Variants in EFL1 observed in about 807,000 individuals in gnomAD.
The protein encoded by EFL1 is elongation factor like GTPase 1.
Under a neutral mutation model 126.7 loss-of-function variants are expected in EFL1, and 76 were observed. That is an observed-to-expected ratio of 0.60 (90% CI 0.50 to 0.73). The LOEUF is 0.73. Among genes scored for constraint, EFL1 ranks in the 30% least tolerant of loss-of-function variants. EFL1 has a pLI of 0.00. For synonymous variants in EFL1, 410 were observed against 448.4 expected (o/e 0.91, Z 1.08); for missense variants, 1,128 against 1,343.2 (o/e 0.84, Z 2.50).
chr15:82,194,581 A>G (rs2074390669), intron 15 of EFL1, among the ~76,000 whole-genome samples: 1 of 152,230 alleles, frequency 6.6e-6, no homozygotes. Context: ...AAAGCATAAA[A>G]TAATCAAGGA....
intron 1 of EFL1, 72 bp downstream of exon 1, chr15:82,262,542 G>A (rs1390401388): frequency 2.7e-5 from 6 of 225,784 alleles, no homozygotes; most frequent in African/African-American, 1.4e-4. Context: ...GAGCCGCAGC[G>A]AGCGGGTTCC....
chr15:82,211,748 A>G lies in EFL1; in HGVS notation c.1750+2969T>C, dbSNP rs573667620. 6.6e-5 allele frequency among the ~76,000 whole-genome samples: 10 copies of G among 152,246 alleles called. No homozygotes were observed. The East Asian group carries it at 1.9e-3, about 29-fold the overall frequency. On this transcript the variant is annotated intron_variant, in intron 15 of 19. Coordinates refer to ENST00000268206, the MANE Select transcript of EFL1 (RefSeq NM_024580.6). ...TACGCTACACATTTTTAATCAAGGAACAAGTAAAATTTGCCTAAAAAAGTA... is the reference window on the plus strand; with the variant it reads ...TACGCTACACATTTTTAATCAAGGAGCAAGTAAAATTTGCCTAAAAAAGTA...
At chr15:82,243,731 A>ACG (rs1567077164) in intron 4 of EFL1, among the ~76,000 whole-genome samples, 17 of 141,940 alleles carry the variant, frequency 1.2e-4, no homozygotes, top group African/African-American at 4.3e-4. Context: ...GGGAATAGTC[A>ACG]GAAAAACGAA....
At chr15:82,208,649 C>T (rs780821648) in intron 15 of EFL1, among the ~76,000 whole-genome samples, 16 of 151,640 alleles carry the variant, frequency 1.1e-4, no homozygotes, top group Admixed American at 2.6e-4. Context: ...TTTTTTTTAA[C>T]GCAGGAATTC....
intron 18 of EFL1, among the ~76,000 whole-genome samples, chr15:82,142,705 T>C (rs576366238): frequency 6.6e-6 from 1 of 152,332 alleles, no homozygotes; most frequent in Non-Finnish European, 1.5e-5. Flanking sequence ...TCAGCTTCTC[T>C]AACTGCCAGA....
intron 15 of EFL1, among the ~76,000 whole-genome samples, chr15:82,189,659 C>T (rs1360333780): frequency 2.0e-5 from 3 of 152,084 alleles, no homozygotes; most frequent in African/African-American, 7.2e-5. Flanking sequence ...CCAACTATGC[C>T]TGTTAGTAAG....
intron 7 of EFL1, among the ~76,000 whole-genome samples, chr15:82,237,217 A>G (rs1032451850): frequency 1.3e-5 from 2 of 152,240 alleles, no homozygotes; most frequent in African/African-American, 4.8e-5. Flanking sequence ...CTGTTAGAGG[A>G]TATGAAGTCA....
At position 82,219,687 on chromosome 15, in the gene EFL1, C is replaced by T. The variant is rs2074687721; in HGVS notation, c.1576G>A (p.Gly526Arg). 1 of 1,613,516 alleles carries T rather than the reference C, an allele frequency of 6.2e-7. No homozygotes were observed. Among genetic ancestry groups the T allele is most frequent in the Non-Finnish European group, 8.5e-7 (1 of 1,179,756 alleles). The change falls in exon 14 of 20, where the codon GGG (glycine) becomes AGG (arginine). Residue 526 changes from glycine to arginine, a missense_variant. Transcript: ENST00000268206. ...ARRGKKIFVL[G>R]PKYSPLEFLR... Reference sequence around the variant, plus strand: ...AACTCAAGAGGACTGTATTTGGGCCCCAAGACAAAAATTTTCTTTCCTCTT... The same window carrying T: ...AACTCAAGAGGACTGTATTTGGGCCTCAAGACAAAAATTTTCTTTCCTCTT...
intron 12 of EFL1, among the ~76,000 whole-genome samples, chr15:82,220,842 G>A (rs554851647): frequency 4.5e-4 from 68 of 150,898 alleles, no homozygotes; most frequent in Admixed American, 2.4e-3. Context: ...CTGTCAGGAC[G>A]CAGAGAAGGT....
rs77396501 is a variant in EFL1, at chr15:82,247,178, G to A, written c.244+5513C>T. Among the ~76,000 whole-genome samples the A allele has an allele frequency of 8.1e-3, 1,237 of 152,186 alleles. 27 individuals carry two copies. Among genetic ancestry groups the A allele is most frequent in the African/African-American group, 0.027 (1,132 of 41,468 alleles). On this transcript the variant is annotated intron_variant, in intron 4 of 19. Coordinates refer to ENST00000268206, the MANE Select transcript of EFL1 (RefSeq NM_024580.6). ...CAAAGAATGGGTACCTCATTAATCA[G>A]GTGAAAGAAAGAGCTGGGAGAATCA... is the stretch of plus-strand genomic sequence containing the variant.
At chr15:82,184,289 G>A (rs1012519184) in intron 15 of EFL1, among the ~76,000 whole-genome samples, 22 of 150,518 alleles carry the variant, frequency 1.5e-4, no homozygotes, top group African/African-American at 5.5e-4. Context: ...GAAGCATGAG[G>A]TAAGTAATAA....
intron 15 of EFL1, among the ~76,000 whole-genome samples, chr15:82,198,227 G>C (rs2074428480): frequency 1.3e-5 from 2 of 152,180 alleles, no homozygotes; most frequent in Admixed American, 1.3e-4. Flanking sequence ...GACCCTGCTA[G>C]AGCTGGAACA....
At chr15:82,208,808 C>T (rs2074553087) in intron 15 of EFL1, among the ~76,000 whole-genome samples, 1 of 151,812 alleles carries the variant, frequency 6.6e-6, no homozygotes, top group Non-Finnish European at 1.5e-5. Flanking sequence ...AAATACTTTC[C>T]CGGCACAATA....
intron 14 of EFL1, among the ~76,000 whole-genome samples, chr15:82,217,529 TAAAAAAA>T (rs55892674): frequency 1.4e-5 from 2 of 145,580 alleles, no homozygotes; most frequent in Non-Finnish European, 3.0e-5. Flanking sequence ...CTCACAAAGT[TAAAAAAA>T]AAAAGGCAGG....
At chr15:82,168,292 C>A (rs981495829) in intron 15 of EFL1, among the ~76,000 whole-genome samples, 20 of 152,148 alleles carry the variant, frequency 1.3e-4, no homozygotes, top group African/African-American at 4.6e-4. Context: ...CTTTTCCAAG[C>A]CTGCTTGGCC....
rs1035444027 is a variant in EFL1, at chr15:82,211,734, T to C, written c.1750+2983A>G. ...TGCTACTGCTAACATACGCTACACATTTTTAATCAAGGAACAAGTAAAATT... is the reference window on the plus strand; with the variant it reads ...TGCTACTGCTAACATACGCTACACACTTTTAATCAAGGAACAAGTAAAATT... On this transcript the variant is annotated intron_variant, in intron 15 of 19. Transcript: ENST00000268206. Among the ~76,000 whole-genome samples, 72 of 152,104 alleles carry C rather than the reference T, an allele frequency of 4.7e-4. 1 individual carries two copies. The highest frequency in any genetic ancestry group is 1.6e-3 in the African/African-American group (66 of 41,396).
In EFL1 at chr15:82,152,393, T is replaced by A; in HGVS notation, c.2061A>T (p.Glu687Asp). 6.2e-7 allele frequency: 1 copy of A among 1,612,082 alleles called. No individual in the cohort carries two copies. Residue 687 changes from glutamate to aspartate, a missense_variant, in exon 18 of 20, where the codon GAA (glutamate) becomes GAT (aspartate). Around this residue, in one of 6 missense-constraint regions of EFL1, gnomAD observed 561 missense variants for 641.7 expected, o/e 0.87. Coordinates refer to ENST00000268206, the MANE Select transcript of EFL1 (RefSeq NM_024580.6). ...RFAKIHISVS[E>D]PIIPFRETIT... is the part of the protein sequence containing the mutation. ...TTGTTTCTCTGAATGGAATAATAGG[T>A]TCAGATACACTGATATGAATCTTTG...
At chr15:82,147,071 G>C (rs1219091429) in intron 18 of EFL1, among the ~76,000 whole-genome samples, 1 of 152,104 alleles carries the variant, frequency 6.6e-6, no homozygotes. Flanking sequence ...AATGAACACA[G>C]AGGGGTGACT....
intron 17 of EFL1, 132 bp from the exon 18 acceptor site, chr15:82,152,555 T>C (rs1210541045): frequency 1.2e-6 from 1 of 819,606 alleles, no homozygotes; most frequent in Non-Finnish European, 1.8e-6. Flanking sequence ...CTATGAAAGA[T>C]CTGCAATTTA....
Sources: gnomAD v4.1 joint callset for allele counts (sites outside exome capture counted in the v4.1 genomes callset) on GRCh38, gnomAD v4.1.1 for gene constraint, gnomAD v4.1.1 regional missense constraint, MANE v1.5 for transcripts, NCBI Gene and HGNC (gene_info 2026-07-23, HGNC 2026-07-21) for gene names.